Variants in ZNF385D observed in about 807,000 individuals in gnomAD.
ZNF385D encodes the protein zinc finger protein 659.
Under a neutral mutation model 35.8 loss-of-function variants are expected in ZNF385D, and 15 were observed. The observed-to-expected ratio is 0.42, with a 90% CI of 0.28 to 0.64. ZNF385D has a LOEUF of 0.64. Among genes scored for constraint, ZNF385D ranks in the 30% least tolerant of loss-of-function variants. The pLI is 0.23. For synonymous variants in ZNF385D, 212 were observed against 186.8 expected, an observed-to-expected ratio of 1.13 and a Z score of -1.10; for missense variants, 474 against 494.6, an observed-to-expected ratio of 0.96 and a Z score of 0.39.
intron 2 of ZNF385D, among the ~76,000 whole-genome samples, chr3:22,367,053 T>C (rs1276098536): frequency 6.6e-6 from 1 of 152,228 alleles, no homozygotes; most frequent in Non-Finnish European, 1.5e-5. Context: ...TTTGAAAGAA[T>C]ATATTCTTAT....
chr3:22,242,191 A>G (rs1165092680), intron 2 of ZNF385D, among the ~76,000 whole-genome samples: 1 of 150,898 alleles, frequency 6.6e-6, no homozygotes, highest in East Asian at 2.0e-4. Flanking sequence ...TAACCTGCAC[A>G]ATGTGCACAT....
intron 2 of ZNF385D, among the ~76,000 whole-genome samples, chr3:22,279,048 T>A (rs1245066938): frequency 6.6e-6 from 1 of 152,242 alleles, no homozygotes; most frequent in East Asian, 1.9e-4. Flanking sequence ...ATGTTACACA[T>A]CCTGTCATAG....
intron 2 of ZNF385D, among the ~76,000 whole-genome samples, chr3:22,255,374 C>T (rs1055234543): frequency 1.3e-5 from 2 of 151,258 alleles, no homozygotes; most frequent in Admixed American, 6.6e-5. Context: ...TATTGTTTTA[C>T]TTCTAAGCAT....
intron 4 of ZNF385D, among the ~76,000 whole-genome samples, chr3:21,454,491 C>G (rs541773843): frequency 1.3e-5 from 2 of 152,190 alleles, no homozygotes; most frequent in African/African-American, 4.8e-5. Flanking sequence ...CACACTGCAT[C>G]ACTGGCCTTT....
chr3:21,562,607 A>T (rs1294911895), intron 3 of ZNF385D, among the ~76,000 whole-genome samples: 1 of 152,338 alleles, frequency 6.6e-6, no homozygotes, highest in East Asian at 1.9e-4. Context: ...AGATATTTTA[A>T]GTAGTCTCAT....
intron 2 of ZNF385D, among the ~76,000 whole-genome samples, chr3:22,368,135 T>G (rs908806592): frequency 2.0e-5 from 3 of 152,136 alleles, no homozygotes; most frequent in African/African-American, 4.8e-5. Flanking sequence ...GTGTTGCAAA[T>G]AAGGCAAAAA....
intron 2 of ZNF385D, among the ~76,000 whole-genome samples, chr3:22,369,827 T>C (rs1696819078): frequency 6.6e-6 from 1 of 152,170 alleles, no homozygotes; most frequent in South Asian, 2.1e-4. Context: ...TTATAGACAG[T>C]ACTAACATTA....
chr3:21,872,244 T>G (rs943739716), intron 3 of ZNF385D, among the ~76,000 whole-genome samples: 1 of 152,156 alleles, frequency 6.6e-6, no homozygotes, highest in Admixed American at 6.6e-5. Context: ...ACAACTGCCT[T>G]TAGCAGTACA....
chr3:22,071,264 A>G (rs750687235), intron 3 of ZNF385D, among the ~76,000 whole-genome samples: 1 of 152,132 alleles, frequency 6.6e-6, no homozygotes, highest in East Asian at 1.9e-4. Context: ...CAGTATCTCT[A>G]TATCATCTTT....
In ZNF385D at chr3:22,127,317, C is replaced by CTTTTT. The variant is rs71044975; in HGVS notation, c.325+41495_325+41499dup. 7.1e-4 allele frequency among the ~76,000 whole-genome samples: 40 copies of CTTTTT among 56,334 alleles called. 9 individuals are homozygous for CTTTTT. Among genetic ancestry groups the CTTTTT allele is most frequent in the Non-Finnish European group, 1.1e-3 (33 of 30,482 alleles). The allele number at this position is 56,334 out of a possible 152,430, so 37.0% of individuals were successfully genotyped here. A position where few individuals can be genotyped will look rare whatever the true frequency, so the allele number is the denominator to read the frequency against. On this transcript the variant is annotated intron_variant, in intron 3 of 5. Transcript: ENST00000494108. Reference sequence around the variant, plus strand: ...TCTGGTAGTATGTTTTCATTTCCTGCTTTTTTTTTTTTTTTTTTTTTTTTT... The same window carrying CTTTTT: ...TCTGGTAGTATGTTTTCATTTCCTGCTTTTTTTTTTTTTTTTTTTTTTTTTTTTTT...
chr3:22,105,363 A>G (rs978085349), intron 3 of ZNF385D, among the ~76,000 whole-genome samples: 1 of 152,008 alleles, frequency 6.6e-6, no homozygotes, highest in African/African-American at 2.4e-5. Flanking sequence ...AAACACATAT[A>G]TATCTATATC....
chr3:22,025,103 G>GA (rs974897811), intron 3 of ZNF385D, among the ~76,000 whole-genome samples: 1 of 152,152 alleles, frequency 6.6e-6, no homozygotes, highest in Non-Finnish European at 1.5e-5. Flanking sequence ...CCCTGATGAA[G>GA]CTGGGGACAC....
At chr3:21,516,520 C>T (rs983670090) in intron 3 of ZNF385D, among the ~76,000 whole-genome samples, 2 of 152,096 alleles carry the variant, frequency 1.3e-5, no homozygotes, top group African/African-American at 4.8e-5. Flanking sequence ...AGACTCTGAT[C>T]AATGGAGATG....
At chr3:21,645,465 T>A (rs543700163) in intron 2 of ZNF385D, among the ~76,000 whole-genome samples, 7 of 152,306 alleles carry the variant, frequency 4.6e-5, no homozygotes, top group African/African-American at 1.7e-4. Flanking sequence ...GGATCTTAAC[T>A]GCATTTGCAA....
At chr3:22,119,674 A>G (rs9310683) in intron 3 of ZNF385D, among the ~76,000 whole-genome samples, 70,645 of 151,830 alleles carry the variant, frequency 0.47, 16,560 homozygotes, top group African/African-American at 0.49. Flanking sequence ...AGGTTGCTGG[A>G]GCCTCTTAGG....
At chr3:21,551,154 T>C (rs1185364928) in intron 3 of ZNF385D, among the ~76,000 whole-genome samples, 1 of 152,226 alleles carries the variant, frequency 6.6e-6, no homozygotes, top group Non-Finnish European at 1.5e-5. Flanking sequence ...GTTAGTTCCA[T>C]GAGGTAAGAA....
intron 5 of ZNF385D, among the ~76,000 whole-genome samples, chr3:21,427,942 A>G (rs1442427954): frequency 6.6e-6 from 1 of 152,114 alleles, no homozygotes; most frequent in Non-Finnish European, 1.5e-5. Context: ...TGGGGAAGGG[A>G]ACTTCAATTA....
Position 21,564,678 on chromosome 3 carries a change from G to A in ZNF385D, c.172C>T (p.Pro58Ser). 1.3e-6 allele frequency: 2 copies of A among 1,547,276 alleles called. No homozygotes were observed. The highest frequency in any genetic ancestry group is 1.3e-5 in the South Asian group (1 of 79,320). ...TGGTTTATTACAGCTTTCTGAATCGGGTCCATCTGTAATGAGAAAAAAGAA... is the reference window on the plus strand; with the variant it reads ...TGGTTTATTACAGCTTTCTGAATCGAGTCCATCTGTAATGAGAAAAAAGAA... ...NLFPNFNAMD[P>S]IQKAVINHTF... Residue 58 changes from proline (P) to serine (S), a missense_variant, in exon 3 of 8, where the codon CCG (proline) becomes TCG (serine). Coordinates refer to ENST00000281523, the MANE Select transcript of ZNF385D (RefSeq NM_024697.3).
chr3:22,305,961 T>A (rs909289499), intron 2 of ZNF385D, among the ~76,000 whole-genome samples: 1 of 152,170 alleles, frequency 6.6e-6, no homozygotes, highest in Admixed American at 6.6e-5. Context: ...TCTAGTACGA[T>A]TCTGTTGAAC....
Sources: gnomAD v4.1 joint callset for allele counts (sites outside exome capture counted in the v4.1 genomes callset) on GRCh38, gnomAD v4.1.1 for gene constraint, MANE v1.5 for transcripts, NCBI Gene and HGNC (gene_info 2026-07-23, HGNC 2026-07-21) for gene names.